The following IL1RAPL2 variants were observed in gnomAD, a reference collection of about 807,000 sequenced individuals.
The protein encoded by IL1RAPL2 is interleukin 1 receptor accessory protein like 2, also known as X-linked interleukin-1 receptor accessory protein-like 2.
In IL1RAPL2, 3 loss-of-function variants were observed where a neutral mutation model predicts 44.1. The observed-to-expected ratio is 0.07, with a 90% CI of 0.03 to 0.18. The LOEUF is 0.18. Among genes scored for constraint, IL1RAPL2 ranks in the 10% least tolerant of loss-of-function variants. The probability of loss-of-function intolerance (pLI) is 1.00; values close to 1 mark genes in which losing one functional copy is unlikely to be tolerated. For synonymous variants in IL1RAPL2, 181 were observed against 178.8 expected (o/e 1.01, Z -0.10); for missense variants, 391 against 496.4 (o/e 0.79, Z 2.02).
At chrX:104,684,001 C>T (rs1423025405) in intron 2 of IL1RAPL2, among the ~76,000 whole-genome samples, 2 of 111,817 alleles carry the variant, frequency 1.8e-5, no homozygotes, top group Non-Finnish European at 3.8e-5. Context: ...AAGTAAGAGT[C>T]ACACCCAGGG....
At chrX:104,956,005 G>A (rs756318720) in intron 2 of IL1RAPL2, among the ~76,000 whole-genome samples, 7 of 112,191 alleles carry the variant, frequency 6.2e-5, no homozygotes, top group South Asian at 3.7e-4. Flanking sequence ...GTATAACAAA[G>A]AGTGGGAGAT....
intron 3 of IL1RAPL2, among the ~76,000 whole-genome samples, chrX:105,231,716 G>A (rs1331842230): frequency 8.9e-6 from 1 of 112,058 alleles, no homozygotes; most frequent in African/African-American, 3.2e-5. Context: ...TGTTTGAATA[G>A]GCTTAGTGTG....
At chrX:105,004,130 G>T (rs989039774) in intron 2 of IL1RAPL2, among the ~76,000 whole-genome samples, 1 of 110,207 alleles carries the variant, frequency 9.1e-6, no homozygotes, top group Non-Finnish European at 1.9e-5. Flanking sequence ...ACCAGAAAGG[G>T]CAGCCCATTC....
intron 2 of IL1RAPL2, among the ~76,000 whole-genome samples, chrX:105,048,723 A>C (rs1276076421): frequency 1.8e-5 from 2 of 111,897 alleles, no homozygotes; most frequent in Non-Finnish European, 3.8e-5. Flanking sequence ...AGTCTTGAAA[A>C]CAAAACAAAC....
At chrX:104,700,573 G>A (rs1602687142) in intron 2 of IL1RAPL2, among the ~76,000 whole-genome samples, 2 of 111,751 alleles carry the variant, frequency 1.8e-5, no homozygotes, top group South Asian at 7.6e-4. Context: ...TTATTACCCT[G>A]TTCACATTTC....
chrX:104,839,766 C>A (rs911943826), intron 2 of IL1RAPL2, among the ~76,000 whole-genome samples: 4 of 111,695 alleles, frequency 3.6e-5, no homozygotes, highest in Non-Finnish European at 7.5e-5. Flanking sequence ...AATTTCCGAA[C>A]TTGTTATTGG....
At chrX:105,095,423 GATC>G (rs1250041404) in intron 2 of IL1RAPL2, among the ~76,000 whole-genome samples, 1 of 111,754 alleles carries the variant, frequency 8.9e-6, no homozygotes, top group African/African-American at 3.3e-5. Context: ...CTATTGAGGT[GATC>G]ATATTTTTTT....
chrX:105,345,650 A>G (rs2035105343), intron 5 of IL1RAPL2, among the ~76,000 whole-genome samples: 1 of 111,592 alleles, frequency 9.0e-6, no homozygotes, highest in Admixed American at 9.6e-5. Flanking sequence ...TCTGAGCATG[A>G]TAGTGGCATT....
intron 1 of IL1RAPL2, among the ~76,000 whole-genome samples, chrX:104,654,478 G>GA: frequency 9.0e-6 from 1 of 110,797 alleles, no homozygotes; most frequent in East Asian, 2.9e-4. Context: ...TCCAGGAACA[G>GA]AAAAAATGAC....
intron 2 of IL1RAPL2, among the ~76,000 whole-genome samples, chrX:104,781,943 A>G (rs1578842): frequency 9.0e-6 from 1 of 111,271 alleles, no homozygotes; most frequent in African/African-American, 3.3e-5. Flanking sequence ...CACAAGTGGG[A>G]TTAGTGCCCT....
At chrX:105,373,334 C>T (rs2035359172) in intron 5 of IL1RAPL2, among the ~76,000 whole-genome samples, 1 of 111,711 alleles carries the variant, frequency 9.0e-6, no homozygotes, top group South Asian at 3.7e-4. Flanking sequence ...AGTGTCTGTC[C>T]ATGTCCTTTG....
chrX:104,718,032 C>A (rs1931608985), intron 2 of IL1RAPL2, among the ~76,000 whole-genome samples: 1 of 110,916 alleles, frequency 9.0e-6, no homozygotes, highest in Non-Finnish European at 1.9e-5. Context: ...GGTTCCAAGT[C>A]TTTGTTATTG....
At chrX:104,746,292 A>G (rs1280359355) in intron 2 of IL1RAPL2, among the ~76,000 whole-genome samples, 1 of 111,189 alleles carries the variant, frequency 9.0e-6, no homozygotes, top group Non-Finnish European at 1.9e-5. Context: ...CCTCTGTATC[A>G]CAGAATACAT....
At chrX:105,308,418 T>C (rs1286454194) in intron 5 of IL1RAPL2, among the ~76,000 whole-genome samples, 1 of 112,237 alleles carries the variant, frequency 8.9e-6, no homozygotes, top group Admixed American at 9.5e-5. Flanking sequence ...ATGAATTTTG[T>C]CAAATAAATA....
chrX:105,086,895 A>G (rs1200677141), intron 2 of IL1RAPL2, among the ~76,000 whole-genome samples: 1 of 111,222 alleles, frequency 9.0e-6, no homozygotes, highest in African/African-American at 3.3e-5. Flanking sequence ...AGGAACTTAG[A>G]AAACAGCAAC....
rs747198267 is a variant in IL1RAPL2 at position 104,734,872 on chromosome X, G to A, written c.82+75877G>A. On this transcript the variant is annotated intron_variant, in intron 2 of 10. Transcript: ENST00000372582. ...ATCAGAAGGTTGATCATACATCCTA[G>A]TGGGCCTCAAACAGGCCCACTTTAT... Among the ~76,000 whole-genome samples, 10 of 112,014 alleles carry A rather than the reference G, an allele frequency of 8.9e-5. No individual in the cohort carries two copies. In the South Asian group the frequency reaches 3.7e-3, roughly 42 times the overall value.
rs1191348467 is a variant in IL1RAPL2 at position 105,691,937 on chromosome X, T to C, written c.773-25430T>C. On this transcript the variant is annotated intron_variant, in intron 6 of 10. Coordinates refer to ENST00000372582, the MANE Select transcript of IL1RAPL2 (RefSeq NM_017416.2). ...CAGTTATAACATAGCTGAAAGAAAA[T>C]GAGCAGATCTAGAATTAAACAGGGC... Among the ~76,000 whole-genome samples, 18 of 111,429 alleles carry C rather than the reference T, an allele frequency of 1.6e-4. No individual in the cohort carries two copies. The Admixed American group carries it at 1.7e-3, about 11-fold the overall frequency.
chrX:104,611,483 G>A (rs1245007379), intron 1 of IL1RAPL2, among the ~76,000 whole-genome samples: 1 of 110,808 alleles, frequency 9.0e-6, no homozygotes, highest in Non-Finnish European at 1.9e-5. Flanking sequence ...AGCAGTGGTG[G>A]ACGCCCCTCC....
At chrX:104,808,497 G>A (rs1458749099) in intron 2 of IL1RAPL2, among the ~76,000 whole-genome samples, 1 of 111,225 alleles carries the variant, frequency 9.0e-6, no homozygotes, top group Admixed American at 9.7e-5. Flanking sequence ...GCAGGATTGA[G>A]GTTATGGGTT....
Sources: gnomAD v4.1 joint callset for allele counts (sites outside exome capture counted in the v4.1 genomes callset) on GRCh38, gnomAD v4.1.1 for gene constraint, MANE v1.5 for transcripts, NCBI Gene and HGNC (gene_info 2026-07-23, HGNC 2026-07-21) for gene names.